MYO5B: variants seen among roughly 807,000 people sequenced by gnomAD.
MYO5B encodes myosin VB.
In MYO5B, 143 loss-of-function variants were observed where a neutral mutation model predicts 229.3. The ratio of observed to expected loss-of-function variants is 0.62; its 90% confidence interval spans 0.54 to 0.72. The LOEUF (loss-of-function observed/expected upper bound fraction) is 0.72. Among genes scored for constraint, MYO5B ranks in the 30% least tolerant of loss-of-function variants. MYO5B has a pLI of 0.00. For missense variants in MYO5B, 2,321 were observed against 2,331.0 expected (o/e 1.00, Z 0.09); for synonymous variants, 918 against 885.2 (o/e 1.04, Z -0.66).
intron 18 of MYO5B, among the ~76,000 whole-genome samples, chr18:49,907,431 T>C (rs1462952844): frequency 6.6e-6 from 1 of 152,242 alleles, no homozygotes; most frequent in African/African-American, 2.4e-5. Context: ...TGCCCTTCCC[T>C]GGGCTCACCC....
At chr18:49,936,169 C>T in intron 16 of MYO5B, 83 bp downstream of exon 16, 1 of 1,193,944 alleles carries the variant, frequency 8.4e-7, no homozygotes, top group African/African-American at 1.5e-5. Context: ...AGGCCACAGA[C>T]CCCCAGGCAA....
rs2025918688 is a variant in MYO5B at position 49,990,500 on chromosome 18, G to A, written c.777C>T (p.Tyr259=). 2 of 1,613,852 alleles carry A rather than the reference G, an allele frequency of 1.2e-6. No individual in the cohort carries two copies. Among genetic ancestry groups the A allele is most frequent in the Non-Finnish European group, 8.5e-7 (1 of 1,179,812 alleles). ...CAGCACAGAGCTGGTAAAAGATGTG[G>A]TAATTCCTCTCATCATCTGCCTGGA... ...VVFQADDERN[Y]HIFYQLCAAA... is the part of the protein sequence containing the mutation. The change falls in exon 7 of 40, where the codon TAC becomes TAT. Residue 259 remains tyrosine (Y), a synonymous_variant. Transcript: ENST00000285039.
rs12965607 is a variant in MYO5B at position 49,864,655 on chromosome 18, T to G, written c.3604-275A>C. On this transcript the variant is annotated intron_variant, in intron 27 of 39. Coordinates refer to ENST00000285039, the MANE Select transcript of MYO5B (RefSeq NM_001080467.3). ...AACAGTGTTCGTGTTGCTAAACATG[T>G]TTGGCTGTGAAACTCCTCCTTGTGG... Among the ~76,000 whole-genome samples the G allele has an allele frequency of 0.1, 15,266 of 152,312 alleles. 1,004 individuals carry two copies. The highest frequency in any genetic ancestry group is 0.16 in the Middle Eastern group (47 of 294).
At position 49,990,436 on chromosome 18, in the gene MYO5B, T is replaced by C; in HGVS notation, c.838+3A>G. On this transcript the variant is annotated splice_donor_region_variant and intron_variant, in intron 7 of 39. Coordinates refer to ENST00000285039, the MANE Select transcript of MYO5B (RefSeq NM_001080467.3). Reference sequence around the variant, plus strand: ...GAGGATAGGCATGCACCTGTTGACTTACTTAGTGCAAGCTCTTTAAATTCT... The same window carrying C: ...GAGGATAGGCATGCACCTGTTGACTCACTTAGTGCAAGCTCTTTAAATTCT... 6.2e-7 allele frequency: 1 copy of C among 1,612,320 alleles called. No individual in the cohort carries two copies. Among genetic ancestry groups the C allele is most frequent in the Non-Finnish European group, 8.5e-7 (1 of 1,178,426 alleles).
At chr18:50,125,529 T>C (rs2032147765) in intron 1 of MYO5B, among the ~76,000 whole-genome samples, 1 of 152,122 alleles carries the variant, frequency 6.6e-6, no homozygotes, top group African/African-American at 2.4e-5. Context: ...ATAGTAATAA[T>C]AATAAAAAGA....
At chr18:50,033,972 T>C (rs1001020035) in intron 4 of MYO5B, among the ~76,000 whole-genome samples, 4 of 151,816 alleles carry the variant, frequency 2.6e-5, no homozygotes, top group African/African-American at 7.3e-5. Flanking sequence ...TCTCACAGAG[T>C]CTCCACACCT....
At chr18:49,964,175 A>T (rs949761706) in intron 10 of MYO5B, among the ~76,000 whole-genome samples, 3 of 152,250 alleles carry the variant, frequency 2.0e-5, no homozygotes, top group African/African-American at 7.2e-5. Flanking sequence ...AGGTAGAAGT[A>T]AATTAACTCC....
intron 2 of MYO5B, among the ~76,000 whole-genome samples, chr18:50,048,697 C>T (rs943657337): frequency 2.6e-5 from 4 of 152,084 alleles, no homozygotes; most frequent in Admixed American, 2.6e-4. Flanking sequence ...GAGAAGTCAG[C>T]AGGAAATCCA....
At chr18:50,069,377 CG>C (rs2030899473) in intron 1 of MYO5B, among the ~76,000 whole-genome samples, 1 of 152,106 alleles carries the variant, frequency 6.6e-6, no homozygotes, top group Admixed American at 6.6e-5. Flanking sequence ...CCACCACTCA[CG>C]GCAGGGACGT....
intron 5 of MYO5B, among the ~76,000 whole-genome samples, chr18:49,993,345 G>A (rs1008135951): frequency 3.3e-5 from 5 of 151,788 alleles, no homozygotes; most frequent in African/African-American, 1.2e-4. Context: ...ACAAGCAGAA[G>A]AACTATTAGT....
At chr18:50,068,677 T>C (rs1211512248) in intron 1 of MYO5B, among the ~76,000 whole-genome samples, 1 of 152,160 alleles carries the variant, frequency 6.6e-6, no homozygotes, top group East Asian at 1.9e-4. Flanking sequence ...AAAAGGCAAC[T>C]GGGTCTTGGT....
At chr18:50,174,828 T>C (rs1314372024) in intron 1 of MYO5B, among the ~76,000 whole-genome samples, 1 of 152,216 alleles carries the variant, frequency 6.6e-6, no homozygotes, top group Non-Finnish European at 1.5e-5. Flanking sequence ...TAGGTGCTAG[T>C]GATTTGCCCA....
chr18:50,000,245 C>T (rs1255451903), intron 5 of MYO5B, among the ~76,000 whole-genome samples: 1 of 152,216 alleles, frequency 6.6e-6, no homozygotes, highest in African/African-American at 2.4e-5. Context: ...TGACTTGTGC[C>T]TTAGTCGATG....
chr18:49,954,275 G>A (rs373759752), intron 13 of MYO5B, 38 bp downstream of exon 13: 4 of 1,612,482 alleles, frequency 2.5e-6, no homozygotes, highest in East Asian at 2.2e-5. Context: ...TTAGAGAGGG[G>A]CCAAGGGAAT....
intron 17 of MYO5B, among the ~76,000 whole-genome samples, chr18:49,919,345 T>C (rs1042572343): frequency 1.3e-5 from 2 of 152,062 alleles, no homozygotes; most frequent in African/African-American, 4.8e-5. Context: ...TAAAAGCTTT[T>C]GTGCTTCAAA....
At chr18:50,190,649 T>A (rs1448932837) in intron 1 of MYO5B, among the ~76,000 whole-genome samples, 1 of 152,006 alleles carries the variant, frequency 6.6e-6, no homozygotes, top group African/African-American at 2.4e-5. Context: ...ACATAACATA[T>A]AAACTGCCAC....
At chr18:50,091,261 A>G (rs1454971104) in intron 1 of MYO5B, among the ~76,000 whole-genome samples, 5 of 152,192 alleles carry the variant, frequency 3.3e-5, no homozygotes, top group Admixed American at 3.3e-4. Context: ...TTGATCAACT[A>G]CTGCGTATTT....
chr18:50,102,359 G>GA (rs376769758), intron 1 of MYO5B, among the ~76,000 whole-genome samples: 49 of 147,212 alleles, frequency 3.3e-4, no homozygotes, highest in East Asian at 7.9e-4. Context: ...AGAACTTAAA[G>GA]AAAAAAAAAA....
chr18:49,913,095 CT>C (rs1383291310), intron 17 of MYO5B, among the ~76,000 whole-genome samples: 1 of 152,132 alleles, frequency 6.6e-6, no homozygotes, highest in African/African-American at 2.4e-5. Context: ...TACAGGCCCA[CT>C]GTAAAGAAAA....
Sources: allele counts gnomAD v4.1 joint callset (sites outside exome capture counted in the v4.1 genomes callset), GRCh38; gene constraint gnomAD v4.1.1; transcripts MANE v1.5; gene names NCBI Gene and HGNC (gene_info 2026-07-23, HGNC 2026-07-21).